KHDRBS1: variants seen among roughly 807,000 people sequenced by gnomAD.
The protein encoded by KHDRBS1 is KH RNA binding domain containing, signal transduction associated 1, also known as KH domain-containing, RNA-binding, signal transduction-associated protein 1.
In KHDRBS1, 7 loss-of-function variants were observed where a neutral mutation model predicts 48.4. The ratio of observed to expected loss-of-function variants is 0.14; its 90% CI spans 0.08 to 0.27. KHDRBS1 has a LOEUF of 0.27. Ranked by LOEUF, KHDRBS1 falls within the 10% of genes least tolerant of loss-of-function variation. KHDRBS1 has a pLI of 1.00. For synonymous variants in KHDRBS1, 241 were observed against 235.8 expected (o/e 1.02, Z -0.20); for missense variants, 458 against 601.2 (o/e 0.76, Z 2.49).
chr1:32,029,726 C>T (rs528495469), intron 1 of KHDRBS1, among the ~76,000 whole-genome samples: 20 of 152,140 alleles, frequency 1.3e-4, no homozygotes, highest in African/African-American at 4.3e-4. Flanking sequence ...GGCTAGATAA[C>T]GGTAACGATA....
rs1188811637 is a variant in KHDRBS1, at chr1:32,042,744, G to A, written c.*120G>A. On this transcript the variant is annotated 3_prime_UTR_variant, in exon 9 of 9. Coordinates refer to ENST00000327300, the MANE Select transcript of KHDRBS1 (RefSeq NM_006559.3). ...AGTAATTGTCTAAGTGTTTTTCTTC[G>A]TGGTCCCCTTCTTCTCCCCACCTTA... is the stretch of plus-strand genomic sequence containing the variant. The A allele has an allele frequency of 7.7e-6, 5 of 645,326 alleles. No individual in the cohort carries two copies. Among genetic ancestry groups the A allele is most frequent in the South Asian group, 1.8e-5 (1 of 55,294 alleles). The allele number at this position is 645,326 out of a possible 1,614,324, so 40.0% of individuals were successfully genotyped here.
downstream of KHDRBS1, among the ~76,000 whole-genome samples, chr1:32,047,967 T>G (rs143353118): frequency 7.1e-3 from 1,079 of 152,328 alleles, 10 homozygotes; most frequent in African/African-American, 0.023. Context: ...GGAATTGGCT[T>G]CTTTGACTTT....
intron 4 of KHDRBS1, among the ~76,000 whole-genome samples, chr1:32,034,027 T>C (rs182051344): frequency 1.3e-5 from 2 of 152,332 alleles, no homozygotes; most frequent in Non-Finnish European, 2.9e-5. Flanking sequence ...ATTTTTGCCT[T>C]TTAGCAAGGC....
At chr1:32,060,730 ATTAC>A (rs1285374549) in exon 11 of KHDRBS1, 2 of 152,168 alleles carry the variant, frequency 1.3e-5, no homozygotes, top group Non-Finnish European at 2.9e-5. Context: ...TTCATTGTTT[ATTAC>A]TTACCTTGTC....
intron 10 of KHDRBS1, among the ~76,000 whole-genome samples, chr1:32,053,660 C>A (rs554117766): frequency 5.3e-5 from 8 of 152,296 alleles, no homozygotes; most frequent in African/African-American, 1.9e-4. Flanking sequence ...GTATGAGCCA[C>A]CATACCCTGT....
At chr1:32,044,540 C>CG (rs1232712031), downstream of KHDRBS1, among the ~76,000 whole-genome samples, 2 of 152,142 alleles carry the variant, frequency 1.3e-5, no homozygotes, top group African/African-American at 4.8e-5. Context: ...CTAAACTGCT[C>CG]GGGGGTGAAA....
chr1:32,037,933 C>T lies in KHDRBS1; in HGVS notation c.1004C>T (p.Pro335Leu). 1 of 1,614,246 alleles carries T rather than the reference C, an allele frequency of 6.2e-7. No individual in the cohort carries two copies. The highest frequency in any genetic ancestry group is 8.5e-7 in the Non-Finnish European group (1 of 1,180,046). The change falls in exon 6 of 9, where the codon CCC (proline) becomes CTC (leucine). Residue 335 changes from proline (P) to leucine (L), a missense_variant. Pro to Leu is a moderately conservative substitution (Grantham distance 98). Transcript: ENST00000327300. ...RGATVTRGVPPPPTVRGAPAP... is the reference protein window; with the variant it reads ...RGATVTRGVPLPPTVRGAPAP... ...GCCACTGTGACTCGAGGCGTGCCACCCCCACCTACTGTGAGGGGTGCTCCA... is the reference window on the plus strand; with the variant it reads ...GCCACTGTGACTCGAGGCGTGCCACTCCCACCTACTGTGAGGGGTGCTCCA...
At chr1:32,040,914 T>C (rs1378024074) in intron 8 of KHDRBS1, among the ~76,000 whole-genome samples, 10 of 152,158 alleles carry the variant, frequency 6.6e-5, no homozygotes, top group African/African-American at 2.4e-4. Flanking sequence ...CCAAGGAAAC[T>C]GTTTTTACCA....
At chr1:32,056,142 A>ATT (rs1479920980) in intron 10 of KHDRBS1, among the ~76,000 whole-genome samples, 1 of 152,172 alleles carries the variant, frequency 6.6e-6, no homozygotes, top group African/African-American at 2.4e-5. Flanking sequence ...TGTACCTCTC[A>ATT]TTCCTAGCCG....
intron 3 of KHDRBS1, among the ~76,000 whole-genome samples, chr1:32,032,848 C>A (rs895274775): frequency 6.6e-6 from 1 of 152,096 alleles, no homozygotes; most frequent in African/African-American, 2.4e-5. Flanking sequence ...CGCCACCATG[C>A]CCGGCTAATT....
chr1:32,036,359 T>G (rs550551237), intron 4 of KHDRBS1, among the ~76,000 whole-genome samples: 9 of 151,868 alleles, frequency 5.9e-5, no homozygotes, highest in African/African-American at 1.9e-4. Flanking sequence ...TTAGTAGAGA[T>G]AGCGTTTCAC....
Position 32,013,872 on chromosome 1 carries a change from C to T in KHDRBS1, c.-124C>T. 4.3e-6 allele frequency: 4 copies of T among 936,974 alleles called. No homozygotes were observed. The highest frequency in any genetic ancestry group is 4.3e-6 in the Non-Finnish European group (3 of 699,640). 58.0% of individuals were successfully genotyped at this position (936,974 alleles called of 1,614,324 possible). ...CCGCCTCATTTCCGGTGCTCTCTCT[C>T]GCTGGGTCGCTCGGGTCGGCTTCGG... On this transcript the variant is annotated 5_prime_UTR_variant, in exon 1 of 9. Coordinates refer to ENST00000327300, the MANE Select transcript of KHDRBS1 (RefSeq NM_006559.3).
chr1:32,042,825 A>C lies in KHDRBS1; in HGVS notation c.*201A>C, dbSNP rs1025013235. 2 of 416,594 alleles carry C rather than the reference A, an allele frequency of 4.8e-6. No homozygotes were observed. Among genetic ancestry groups the C allele is most frequent in the African/African-American group, 4.0e-5 (2 of 50,334 alleles). 25.8% of individuals were successfully genotyped at this position (416,594 alleles called of 1,614,324 possible). ...GTATGTAGTATTTTAAAATGAGTTA[A>C]AATAGATTTAGGAATATTGAATTAA... is the stretch of plus-strand genomic sequence containing the variant. On this transcript the variant is annotated 3_prime_UTR_variant, in exon 9 of 9. Transcript: ENST00000327300.
At chr1:32,021,791 C>T (rs781352914) in intron 1 of KHDRBS1, among the ~76,000 whole-genome samples, 8 of 151,746 alleles carry the variant, frequency 5.3e-5, no homozygotes, top group Non-Finnish European at 1.0e-4. Context: ...TAATTTTTGA[C>T]AGGCAGGCGG....
In KHDRBS1 at chr1:32,019,054, C is replaced by T. The variant is rs186961041; in HGVS notation, c.382+4677C>T. On this transcript the variant is annotated intron_variant, in intron 1 of 8. Transcript: ENST00000327300. ...AGTTTGCAGTGAGCCGAGATTGCGC[C>T]GCCACTGCACTCCAGCCTGGGCGAC... Among the ~76,000 whole-genome samples, 285 of 150,974 alleles carry T rather than the reference C, an allele frequency of 1.9e-3. 2 individuals carry two copies. Among genetic ancestry groups the T allele is most frequent in the African/African-American group, 6.6e-3 (271 of 41,072 alleles).
At position 32,014,386 on chromosome 1, in the gene KHDRBS1, G is replaced by A. The variant is rs1057323615; in HGVS notation, c.382+9G>A. The A allele has an allele frequency of 1.4e-6, 2 of 1,382,856 alleles. No individual in the cohort carries two copies. Among genetic ancestry groups the A allele is most frequent in the Non-Finnish European group, 1.9e-6 (2 of 1,049,812 alleles). The allele number at this position is 1,382,856 out of a possible 1,614,324, so 85.7% of individuals were successfully genotyped here. On this transcript the variant is annotated intron_variant, in intron 1 of 8. Coordinates refer to ENST00000327300, the MANE Select transcript of KHDRBS1 (RefSeq NM_006559.3). ...GCAGCTGCTGACGGCAGGTAAGGGG[G>A]CCTCCCGTGTCCCTCTGGGTCGCCC...
downstream of KHDRBS1, among the ~76,000 whole-genome samples, chr1:32,044,413 T>C (rs1639334527): frequency 6.6e-6 from 1 of 152,208 alleles, no homozygotes; most frequent in Non-Finnish European, 1.5e-5. Flanking sequence ...TTTGGCATGA[T>C]AGGCTGGCTC....
At chr1:32,028,892 A>G (rs1639028098) in intron 1 of KHDRBS1, among the ~76,000 whole-genome samples, 1 of 151,702 alleles carries the variant, frequency 6.6e-6, no homozygotes, top group East Asian at 1.9e-4. Flanking sequence ...CATCTCTATT[A>G]GAACTCCTGT....
chr1:32,035,986 C>G lies in KHDRBS1; in HGVS notation c.772-924C>G, dbSNP rs1209411213. On this transcript the variant is annotated intron_variant, in intron 4 of 8. Transcript: ENST00000327300. ...GTGGACAAAAAAGACAGTATAAGGA[C>G]AAAAAAGCCTGTTGATCCAACACCT... 3.3e-5 allele frequency among the ~76,000 whole-genome samples: 5 copies of G among 151,946 alleles called. 1 individual carries two copies. The highest frequency in any genetic ancestry group is 7.4e-5 in the Non-Finnish European group (5 of 67,964).
Sources: allele counts gnomAD v4.1 joint callset (sites outside exome capture counted in the v4.1 genomes callset), GRCh38; gene constraint gnomAD v4.1.1; transcripts MANE v1.5; gene names NCBI Gene and HGNC (gene_info 2026-07-23, HGNC 2026-07-21).